The following TXK variants were observed in gnomAD, a reference collection of about 807,000 sequenced individuals.
TXK encodes the protein tyrosine-protein kinase TXK.
In TXK, 60 loss-of-function variants were observed where a neutral mutation model predicts 81.0. The ratio of observed to expected loss-of-function variants is 0.74; its 90% CI spans 0.60 to 0.92. The LOEUF (loss-of-function observed/expected upper bound fraction) is 0.92, where lower values mean the gene tolerates loss of function less well. Ranked by LOEUF, TXK falls within the 40% of genes least tolerant of loss-of-function variation. TXK has a pLI of 0.00. For synonymous variants in TXK, 203 were observed against 210.7 expected (o/e 0.96, Z 0.32); for missense variants, 581 against 638.3 (o/e 0.91, Z 0.97).
intron 8 of TXK, among the ~76,000 whole-genome samples, chr4:48,093,696 G>A (rs142741644): frequency 2.6e-5 from 4 of 152,262 alleles, no homozygotes; most frequent in East Asian, 1.9e-4. Context: ...TATTACAATC[G>A]TCAAAAGTAG....
chr4:48,119,905 A>G (rs34386002), intron 1 of TXK, among the ~76,000 whole-genome samples: 5,559 of 152,214 alleles, frequency 0.037, 343 homozygotes, highest in African/African-American at 0.13. Flanking sequence ...ACAGGATGCA[A>G]AACCAAATGT....
chr4:48,125,886 G>A (rs901792508), intron 1 of TXK, among the ~76,000 whole-genome samples: 1 of 152,226 alleles, frequency 6.6e-6, no homozygotes, highest in African/African-American at 2.4e-5. Flanking sequence ...TTGCTCAGGG[G>A]AGGTCTGACT....
At chr4:48,109,109 T>G (rs1718549555) in intron 5 of TXK, among the ~76,000 whole-genome samples, 1 of 152,086 alleles carries the variant, frequency 6.6e-6, no homozygotes, top group African/African-American at 2.4e-5. Context: ...CTGTTTTTGT[T>G]GGTCAGCTTC....
At chr4:48,123,601 C>T (rs1283527777) in intron 1 of TXK, among the ~76,000 whole-genome samples, 2 of 152,174 alleles carry the variant, frequency 1.3e-5, no homozygotes, top group African/African-American at 4.8e-5. Context: ...CATTAATTCG[C>T]TTAGTCCTCA....
At chr4:48,087,270 G>A (rs1717570912) in intron 9 of TXK, among the ~76,000 whole-genome samples, 1 of 152,034 alleles carries the variant, frequency 6.6e-6, no homozygotes, top group South Asian at 2.1e-4. Context: ...CTTGAAAACT[G>A]TACCAAACTT....
intron 14 of TXK, among the ~76,000 whole-genome samples, chr4:48,070,172 G>T (rs1188484692): frequency 6.6e-6 from 1 of 152,152 alleles, no homozygotes; most frequent in Non-Finnish European, 1.5e-5. Context: ...AGCTGAAACT[G>T]TCAGCTGGAA....
chr4:48,084,923 C>CGAG (rs1234656236), intron 10 of TXK, among the ~76,000 whole-genome samples: 5 of 150,788 alleles, frequency 3.3e-5, no homozygotes, highest in East Asian at 2.0e-4. Flanking sequence ...TCCAGTTAAT[C>CGAG]ACCTCTGATT....
chr4:48,076,879 T>C (rs1047202952), intron 11 of TXK, among the ~76,000 whole-genome samples: 2 of 152,202 alleles, frequency 1.3e-5, no homozygotes, highest in African/African-American at 2.4e-5. Context: ...CCCACCCACC[T>C]TGGCTTCCCA....
chr4:48,122,802 A>G (rs1475471031), intron 1 of TXK, among the ~76,000 whole-genome samples: 2 of 152,254 alleles, frequency 1.3e-5, no homozygotes, highest in African/African-American at 2.4e-5. Flanking sequence ...GAAATTTGCA[A>G]ATGGTATTTG....
At chr4:48,088,142 T>A (rs905528972) in intron 9 of TXK, among the ~76,000 whole-genome samples, 2 of 151,442 alleles carry the variant, frequency 1.3e-5, no homozygotes. Flanking sequence ...GGCTAACATG[T>A]AAAAAAAAAC....
intron 1 of TXK, among the ~76,000 whole-genome samples, chr4:48,129,260 G>C (rs975395073): frequency 2.0e-5 from 3 of 152,210 alleles, no homozygotes; most frequent in Admixed American, 2.0e-4. Context: ...ATTCTAAGAA[G>C]TGATGGTCTC....
At chr4:48,101,838 T>C (rs1718205824) in intron 6 of TXK, among the ~76,000 whole-genome samples, 1 of 149,066 alleles carries the variant, frequency 6.7e-6, no homozygotes, top group East Asian at 1.9e-4. Flanking sequence ...ATTTGAGAAA[T>C]GTGACCACAT....
At chr4:48,074,091 C>T (rs758802217) in intron 12 of TXK, 38 bp from the exon 13 acceptor site, 14 of 1,450,082 alleles carry the variant, frequency 9.7e-6, no homozygotes, top group Non-Finnish European at 1.4e-5. Context: ...GTGTTAATTA[C>T]CTCCAAGCTC....
intron 2 of TXK, 127 bp downstream of exon 2, chr4:48,114,221 G>A: frequency 4.5e-6 from 4 of 879,310 alleles, no homozygotes; most frequent in South Asian, 3.2e-5. Context: ...GCATTCCACA[G>A]GGAGAAAATG....
chr4:48,076,542 G>C, intron 11 of TXK, 76 bp from the exon 12 acceptor site: 2 of 1,292,240 alleles, frequency 1.5e-6, no homozygotes, highest in Non-Finnish European at 2.2e-6. Flanking sequence ...TTTTCCTTAG[G>C]TTATTTGGAC....
chr4:48,100,454 G>A (rs1023222519), intron 6 of TXK, among the ~76,000 whole-genome samples: 4 of 152,134 alleles, frequency 2.6e-5, no homozygotes, highest in Non-Finnish European at 5.9e-5. Flanking sequence ...TATAAAAAAT[G>A]CTTAGCATTC....
chr4:48,110,388 C>T, intron 5 of TXK, 150 bp downstream of exon 5: 1 of 589,952 alleles, frequency 1.7e-6, no homozygotes, highest in South Asian at 2.1e-5. Flanking sequence ...GTTTCTGAAT[C>T]AACCATGATA....
intron 11 of TXK, among the ~76,000 whole-genome samples, chr4:48,078,678 A>C (rs1717165769): frequency 6.6e-6 from 1 of 152,228 alleles, no homozygotes. Flanking sequence ...TGTTCTGAGC[A>C]TTACAGAAAA....
intron 1 of TXK, among the ~76,000 whole-genome samples, chr4:48,116,359 T>A (rs892263511): frequency 6.6e-6 from 1 of 152,120 alleles, no homozygotes; most frequent in South Asian, 2.1e-4. Flanking sequence ...TCAGATAACA[T>A]CTTTTAAAGT....
Sources: gnomAD v4.1 joint callset for allele counts (sites outside exome capture counted in the v4.1 genomes callset) on GRCh38, gnomAD v4.1.1 for gene constraint, MANE v1.5 for transcripts, NCBI Gene and HGNC (gene_info 2026-07-23, HGNC 2026-07-21) for gene names.